Variants in HPSE2 observed in about 807,000 individuals in gnomAD.
The protein encoded by HPSE2 is heparanase 2 (inactive), also known as inactive heparanase-2.
HPSE2 carries 38 observed loss-of-function variants against 60.5 expected under a neutral mutation model. The ratio of observed to expected loss-of-function variants is 0.63; its 90% CI spans 0.48 to 0.82. The LOEUF is 0.82. HPSE2 is among the 40% of genes least tolerant of loss of function. HPSE2 has a pLI of 0.00. For missense variants in HPSE2, 713 were observed against 740.4 expected (o/e 0.96, Z 0.43); for synonymous variants, 295 against 293.2 (o/e 1.01, Z -0.06).
At chr10:98,656,169 T>C (rs1156617045) in intron 6 of HPSE2, among the ~76,000 whole-genome samples, 1 of 151,604 alleles carries the variant, frequency 6.6e-6, no homozygotes, top group African/African-American at 2.4e-5. Context: ...TCACTGCAAC[T>C]GCTACCTCCC....
At chr10:99,145,141 T>C (rs1214834420) in intron 2 of HPSE2, among the ~76,000 whole-genome samples, 1 of 152,136 alleles carries the variant, frequency 6.6e-6, no homozygotes, top group African/African-American at 2.4e-5. Flanking sequence ...AGAAAACAGC[T>C]TCCTCAAAAA....
At chr10:98,831,356 A>G (rs1340672015) in intron 3 of HPSE2, among the ~76,000 whole-genome samples, 1 of 152,088 alleles carries the variant, frequency 6.6e-6, no homozygotes, top group Admixed American at 6.6e-5. Flanking sequence ...TTTAAGTGGG[A>G]AATAAAAACT....
At chr10:98,918,297 A>C (rs1420261685) in intron 3 of HPSE2, among the ~76,000 whole-genome samples, 3 of 152,184 alleles carry the variant, frequency 2.0e-5, no homozygotes, top group Non-Finnish European at 4.4e-5. Context: ...TAGAACTAGA[A>C]ATACCATTTG....
chr10:98,687,415 A>G (rs1318430670), intron 6 of HPSE2, among the ~76,000 whole-genome samples: 1 of 152,078 alleles, frequency 6.6e-6, no homozygotes, highest in Non-Finnish European at 1.5e-5. Flanking sequence ...AAAACTCCCT[A>G]TGCCTCCTCT....
chr10:99,198,284 A>G (rs1390301635), intron 2 of HPSE2, among the ~76,000 whole-genome samples: 5 of 152,200 alleles, frequency 3.3e-5, no homozygotes, highest in Non-Finnish European at 4.4e-5. Flanking sequence ...GGTTTAATAA[A>G]TGTTTAAATG....
intron 3 of HPSE2, among the ~76,000 whole-genome samples, chr10:98,942,396 CA>C (rs1302294745): frequency 6.8e-6 from 1 of 148,102 alleles, no homozygotes; most frequent in Non-Finnish European, 1.5e-5. Flanking sequence ...AAAAAACAAA[CA>C]ACCCCATCAA....
At chr10:98,704,056 A>T (rs947532255) in intron 5 of HPSE2, among the ~76,000 whole-genome samples, 1 of 152,210 alleles carries the variant, frequency 6.6e-6, no homozygotes, top group East Asian at 1.9e-4. Flanking sequence ...GCTGATAAAC[A>T]ACTTCAGCAA....
the HPSE2 span, among the ~76,000 whole-genome samples, chr10:99,292,541 C>A: frequency 6.6e-6 from 1 of 152,064 alleles, no homozygotes; most frequent in African/African-American, 2.4e-5. Flanking sequence ...AACTCACATT[C>A]TAGAGCAGTG....
chr10:99,035,406 A>G (rs980133821), intron 3 of HPSE2, among the ~76,000 whole-genome samples: 2 of 152,160 alleles, frequency 1.3e-5, no homozygotes, highest in Non-Finnish European at 2.9e-5. Flanking sequence ...CAGGGGCAAT[A>G]ATGCATGGAG....
intron 9 of HPSE2, among the ~76,000 whole-genome samples, chr10:98,609,842 T>C (rs28534732): frequency 0.074 from 8,980 of 121,310 alleles, 302 homozygotes; most frequent in South Asian, 0.14. Flanking sequence ...TCTTCTTCTT[T>C]TTTTTTTTTT....
chr10:98,624,577 T>C (rs1210198123), intron 7 of HPSE2, among the ~76,000 whole-genome samples: 1 of 152,226 alleles, frequency 6.6e-6, no homozygotes, highest in African/African-American at 2.4e-5. Flanking sequence ...TAAAGATCCC[T>C]GCAGCTGCTA....
At chr10:98,601,494 A>G (rs1945424980) in intron 9 of HPSE2, among the ~76,000 whole-genome samples, 1 of 152,176 alleles carries the variant, frequency 6.6e-6, no homozygotes, top group Admixed American at 6.5e-5. Context: ...TTGTTGGGAG[A>G]AGTAGTTGAC....
At chr10:99,236,120 G>T (rs1301255439), upstream of HPSE2, among the ~76,000 whole-genome samples, 1 of 149,912 alleles carries the variant, frequency 6.7e-6, no homozygotes, top group East Asian at 2.0e-4. Context: ...CACCGGCACC[G>T]CCCCTTTAAG....
At chr10:98,749,947 T>TATATATATATATAC in intron 3 of HPSE2, among the ~76,000 whole-genome samples, 2,382 of 98,388 alleles carry the variant, frequency 0.024, 54 homozygotes, top group East Asian at 0.077. Context: ...TATATATATA[T>TATATATATATATAC]ACACACACAC....
intron 3 of HPSE2, among the ~76,000 whole-genome samples, chr10:99,000,410 T>C (rs1191120143): frequency 6.6e-6 from 1 of 152,120 alleles, no homozygotes; most frequent in Admixed American, 6.6e-5. Flanking sequence ...TTTAGATTTG[T>C]CCATCATCTT....
At chr10:99,031,303 T>C (rs1167808499) in intron 3 of HPSE2, among the ~76,000 whole-genome samples, 2 of 152,160 alleles carry the variant, frequency 1.3e-5, no homozygotes, top group Non-Finnish European at 2.9e-5. Flanking sequence ...AAAAAAATGT[T>C]TAATGTGAAG....
chr10:98,620,658 C>T lies in HPSE2; in HGVS notation c.1149G>A (p.Val383=), dbSNP rs2133986281. Residue 383 remains valine (V), a synonymous_variant, in exon 8 of 12, where the codon GTG becomes GTA. Coordinates refer to ENST00000370552, the MANE Select transcript of HPSE2 (RefSeq NM_021828.5). ...TGTTTGTGCCTCCAGCTGAGGTGGT[C>T]ACCACACCTTCAAGCCAAATCTTCT... ...PGKKIWLEGV[V]TTSAGGTNNL... 6.2e-7 allele frequency: 1 copy of T among 1,614,088 alleles called. No individual in the cohort carries two copies. Among genetic ancestry groups the T allele is most frequent in the Non-Finnish European group, 8.5e-7 (1 of 1,179,998 alleles).
intron 8 of HPSE2, among the ~76,000 whole-genome samples, chr10:98,615,472 ATATACTCC>A (rs1477949200): frequency 6.6e-6 from 1 of 152,182 alleles, no homozygotes; most frequent in African/African-American, 2.4e-5. Context: ...ACTCTAACTC[ATATACTCC>A]TATGACCTAT....
intron 5 of HPSE2, among the ~76,000 whole-genome samples, chr10:98,718,852 A>G (rs910218778): frequency 6.6e-6 from 1 of 151,906 alleles, no homozygotes; most frequent in Admixed American, 6.6e-5. Flanking sequence ...GATAGAAGGA[A>G]TAAGTTCTAG....
Sources: gnomAD v4.1 joint callset for allele counts (sites outside exome capture counted in the v4.1 genomes callset) on GRCh38, gnomAD v4.1.1 for gene constraint, MANE v1.5 for transcripts, NCBI Gene and HGNC (gene_info 2026-07-23, HGNC 2026-07-21) for gene names.